DLEC1: variants seen among roughly 807,000 people sequenced by gnomAD.
DLEC1 encodes the protein DLEC1 cilia and flagella associated protein, also known as deleted in lung and esophageal cancer protein 1.
In DLEC1, 146 loss-of-function variants were observed where a neutral mutation model predicts 198.1. The ratio of observed to expected loss-of-function variants is 0.74; its 90% CI spans 0.64 to 0.85. DLEC1 has a LOEUF of 0.85. Ranked by LOEUF, DLEC1 falls within the 40% of genes least tolerant of loss-of-function variation. DLEC1 has a pLI of 0.00. For synonymous variants in DLEC1, 897 were observed against 866.8 expected (o/e 1.03, Z -0.61); for missense variants, 2,233 against 2,220.0 (o/e 1.01, Z -0.12).
At chr3:38,043,818 C>T (rs1471320414) in intron 1 of DLEC1, among the ~76,000 whole-genome samples, 8 of 152,058 alleles carry the variant, frequency 5.3e-5, no homozygotes, top group South Asian at 2.1e-4. Flanking sequence ...CTCAGCCTAC[C>T]GAATAGCTGG....
chr3:38,120,483 C>T lies in DLEC1; in HGVS notation c.4740C>T (p.Leu1580=). 1 of 1,614,218 alleles carries T rather than the reference C, an allele frequency of 6.2e-7. No homozygotes were observed. Among genetic ancestry groups the T allele is most frequent in the Non-Finnish European group, 8.5e-7 (1 of 1,180,032 alleles). Residue 1580 remains leucine, a synonymous_variant, in exon 34 of 37, where the codon CTC becomes CTT. Transcript: ENST00000308059. The stretch of plus-strand genomic sequence containing the variant: ...CCTTCTCACTCTCCCTGGAGCTGCT[C>T]TCCTATCAGAAGCTCCCAGCTGACC... ...NVSFSLSLEL[L]SYQKLPADQT...
chr3:38,095,344 G>A (rs1191350331), intron 13 of DLEC1: 1 of 484,916 alleles, frequency 2.1e-6, no homozygotes, highest in African/African-American at 1.9e-5. Flanking sequence ...TGTCTACTAT[G>A]GCAAAAAACA....
chr3:38,120,496 C>T lies in DLEC1; in HGVS notation c.4753C>T (p.Leu1585Phe), dbSNP rs1197387308. The T allele has an allele frequency of 1.2e-6, 2 of 1,614,240 alleles. No individual in the cohort carries two copies. The highest frequency in any genetic ancestry group is 1.7e-6 in the Non-Finnish European group (2 of 1,180,036). ...CCTGGAGCTGCTCTCCTATCAGAAG[C>T]TCCCAGCTGACCAGACACTGCCTGG... ...LSLELLSYQK[L>F]PADQTLPGVD... Residue 1585 changes from leucine (L) to phenylalanine (F), a missense_variant, in exon 34 of 37, where the codon CTC becomes TTC. Physicochemically the swap from Leu to Phe is conservative, Grantham distance 22 (BLOSUM62 0). Coordinates refer to ENST00000308059, the MANE Select transcript of DLEC1 (RefSeq NM_007335.4).
intron 19 of DLEC1, among the ~76,000 whole-genome samples, chr3:38,104,072 G>A (rs1699444655): frequency 6.6e-6 from 1 of 152,182 alleles, no homozygotes; most frequent in Non-Finnish European, 1.5e-5. Flanking sequence ...CCTTCGATTT[G>A]TAAAAATCAC....
chr3:38,114,823 C>T (rs953383554), intron 26 of DLEC1, among the ~76,000 whole-genome samples, 160 bp from the exon 27 acceptor site: 6 of 152,236 alleles, frequency 3.9e-5, no homozygotes, highest in Admixed American at 2.0e-4. Flanking sequence ...CACCTGGTGC[C>T]GCCTGGGGAA....
intron 10 of DLEC1, among the ~76,000 whole-genome samples, chr3:38,090,927 T>G (rs1474802309): frequency 6.6e-6 from 1 of 152,140 alleles, no homozygotes; most frequent in East Asian, 1.9e-4. Flanking sequence ...CCCCTCCATT[T>G]CCCTCAGACA....
At chr3:38,116,311 C>A in intron 27 of DLEC1, 142 bp from the exon 28 acceptor site, 1 of 723,848 alleles carries the variant, frequency 1.4e-6, no homozygotes, top group Middle Eastern at 2.6e-4. Context: ...CTGGAAGTGG[C>A]ATTAGAGAGG....
rs1699914387 is a variant in DLEC1, at chr3:38,112,081, C to T, written c.3515-129C>T. 3.5e-6 allele frequency: 5 copies of T among 1,433,218 alleles called. No individual in the cohort carries two copies. The highest frequency in any genetic ancestry group is 4.8e-6 in the Non-Finnish European group (5 of 1,038,862). 88.8% of individuals were successfully genotyped at this position (1,433,218 alleles called of 1,614,324 possible). A position where few individuals can be genotyped will look rare whatever the true frequency, so the allele number is the denominator to read the frequency against. On this transcript the variant is annotated intron_variant, in intron 24 of 36. Coordinates refer to ENST00000308059, the MANE Select transcript of DLEC1 (RefSeq NM_007335.4). The surrounding 1 kb of genome is among the most constrained non-coding windows in gnomAD (Gnocchi z 4.8). ...ATTCCAGGCTCCCAGGAGGAGGGCA[C>T]ATGTAGCCTGACCAAGGAGAGGCTG... is the stretch of plus-strand genomic sequence containing the variant.
At chr3:38,096,989 G>C (rs1309260648) in intron 15 of DLEC1, among the ~76,000 whole-genome samples, 193 bp from the exon 16 acceptor site, 1 of 152,214 alleles carries the variant, frequency 6.6e-6, no homozygotes, top group Non-Finnish European at 1.5e-5. Flanking sequence ...GGCAGAGTAT[G>C]TCAGCCACAG....
In DLEC1 at chr3:38,062,314, C is replaced by G; in HGVS notation, c.819C>G (p.Ser273Arg). 1.2e-6 allele frequency: 2 copies of G among 1,614,194 alleles called. No homozygotes were observed. The highest frequency in any genetic ancestry group is 1.7e-6 in the Non-Finnish European group (2 of 1,180,028). ...FEDELDHTVD[S>R]LTWNLTPKAK... ...ATGAGTTAGACCACACTGTGGACAG[C>G]CTGACATGGAATTTAACTCCTAAGG... Residue 273 changes from serine (S) to arginine (R), a missense_variant, in exon 4 of 37, where the codon AGC becomes AGG. By Grantham distance (110) the Ser-to-Arg change is moderately radical. Coordinates refer to ENST00000308059, the MANE Select transcript of DLEC1 (RefSeq NM_007335.4).
rs777349201 is a variant in DLEC1, at chr3:38,084,222, C to T, written c.1238C>T (p.Thr413Met). ...SRYLRVLPPSTPYFALGLGMF... is the reference protein window; with the variant it reads ...SRYLRVLPPSMPYFALGLGMF... ...TACCTGCGAGTCCTCCCGCCTTCCA[C>T]GCCATACTTCGCTCTGGGACTGGGT... Residue 413 changes from threonine to methionine, a missense_variant, in exon 7 of 37, where the codon ACG becomes ATG. Physicochemically the swap from Thr to Met is moderately conservative, Grantham distance 81. Transcript: ENST00000308059. The T allele has an allele frequency of 1.3e-4, 216 of 1,612,506 alleles. 1 individual carries two copies. Among genetic ancestry groups the T allele is most frequent in the Middle Eastern group, 1.6e-4 (1 of 6,066 alleles).
chr3:38,067,751 A>AT (rs1697101685), intron 6 of DLEC1, among the ~76,000 whole-genome samples: 1 of 103,124 alleles, frequency 9.7e-6, no homozygotes, highest in Non-Finnish European at 1.9e-5. Context: ...GAGTATCTGC[A>AT]CTTTTTTTTT....
chr3:38,086,525 T>C (rs1698466661), intron 9 of DLEC1, 148 bp downstream of exon 9: 1 of 1,075,586 alleles, frequency 9.3e-7, no homozygotes, highest in Admixed American at 2.9e-5. Context: ...ACAACCCGAA[T>C]GAGAATGGAT....
intron 2 of DLEC1, chr3:38,052,344 C>A: frequency 2.9e-6 from 1 of 349,560 alleles, no homozygotes; most frequent in South Asian, 2.9e-5. Context: ...TCTGCTTTCT[C>A]TATGAGAATG....
chr3:38,107,828 C>G, intron 20 of DLEC1, 91 bp downstream of exon 20: 1 of 1,444,382 alleles, frequency 6.9e-7, no homozygotes. Context: ...AATATCCTCA[C>G]AGAACAGAGA....
At position 38,116,874 on chromosome 3, in the gene DLEC1, C is replaced by T. The variant is rs1158166651; in HGVS notation, c.4164C>T (p.Ile1388=). The T allele has an allele frequency of 2.5e-6, 4 of 1,613,064 alleles. No individual in the cohort carries two copies. The highest frequency in any genetic ancestry group is 3.4e-6 in the Non-Finnish European group (4 of 1,179,560). ...EGVPSGHLYC[I]SPKQVVVPAG... ...TGCCCTCCGGCCACCTGTACTGTAT[C>T]AGCCCCAAGCAGGTGGTGAGTTGGG... Residue 1388 remains isoleucine (I), a synonymous_variant, in exon 29 of 37, where the codon ATC becomes ATT. Coordinates refer to ENST00000308059, the MANE Select transcript of DLEC1 (RefSeq NM_007335.4).
chr3:38,122,974 C>G lies in DLEC1; in HGVS notation c.*562C>G. The G allele has an allele frequency of 6.6e-7, 1 of 1,519,918 alleles. No individual in the cohort carries two copies. The highest frequency in any genetic ancestry group is 1.7e-5 in the Admixed American group (1 of 59,354). The allele number at this position is 1,519,918 out of a possible 1,614,324, so 94.2% of individuals were successfully genotyped here. On this transcript the variant is annotated 3_prime_UTR_variant, in exon 37 of 37. Transcript: ENST00000308059. ...TGCTGAGTTTTCCCATGTGGTTTTG[C>G]TTTTGTGGTGTTACTGCCTTGCTGC...
At chr3:38,090,015 A>C (rs550531439) in intron 10 of DLEC1, among the ~76,000 whole-genome samples, 1 of 152,278 alleles carries the variant, frequency 6.6e-6, no homozygotes, top group Non-Finnish European at 1.5e-5. Flanking sequence ...CTGTCTGTAT[A>C]GACAATTTTT....
intron 33 of DLEC1, among the ~76,000 whole-genome samples, chr3:38,118,243 G>A (rs576402207): frequency 6.6e-5 from 10 of 152,272 alleles, no homozygotes; most frequent in African/African-American, 2.2e-4. Context: ...CACACCAGAC[G>A]TTGTGTTCAC....
Sources: allele counts gnomAD v4.1 joint callset (sites outside exome capture counted in the v4.1 genomes callset), GRCh38; gene constraint gnomAD v4.1.1; non-coding constraint Gnocchi (gnomAD v3.1); transcripts MANE v1.5; gene names NCBI Gene and HGNC (gene_info 2026-07-23, HGNC 2026-07-21).